Variants in DPYD observed in about 807,000 individuals in gnomAD.
The protein encoded by DPYD is dihydropyrimidine dehydrogenase.
In DPYD, 109 loss-of-function variants were observed where a neutral mutation model predicts 116.2. The ratio of observed to expected loss-of-function variants is 0.94; its 90% CI spans 0.80 to 1.10. The LOEUF is 1.10. Among genes scored for constraint, DPYD ranks in the 50% least tolerant of loss-of-function variants. The probability of loss-of-function intolerance (pLI) is 0.00; values close to 1 mark genes in which losing one functional copy is unlikely to be tolerated. For missense variants in DPYD, 1,302 were observed against 1,254.5 expected, an observed-to-expected ratio of 1.04 and a Z score of -0.57; for synonymous variants, 440 against 432.0, an observed-to-expected ratio of 1.02 and a Z score of -0.23.
At chr1:97,485,984 G>A (rs896732426) in intron 13 of DPYD, among the ~76,000 whole-genome samples, 6 of 152,132 alleles carry the variant, frequency 3.9e-5, no homozygotes, top group Admixed American at 2.6e-4. Flanking sequence ...AATAGAGATT[G>A]GGAGAATAAG....
At chr1:97,713,397 C>A (rs994013639) in intron 5 of DPYD, among the ~76,000 whole-genome samples, 7 of 152,066 alleles carry the variant, frequency 4.6e-5, no homozygotes, top group Admixed American at 2.0e-4. Context: ...GCCCCCAAAT[C>A]ACGGTAGCTT....
intron 11 of DPYD, among the ~76,000 whole-genome samples, chr1:97,551,341 T>C (rs959945067): frequency 1.3e-5 from 2 of 152,152 alleles, no homozygotes; most frequent in Non-Finnish European, 2.9e-5. Context: ...CTACCATCTG[T>C]TGACAGTTAC....
chr1:97,330,475 C>T (rs1409829087), intron 16 of DPYD, among the ~76,000 whole-genome samples: 2 of 152,086 alleles, frequency 1.3e-5, no homozygotes, highest in Admixed American at 1.3e-4. Context: ...TCATTCACTC[C>T]ACAAATATGT....
intron 18 of DPYD, among the ~76,000 whole-genome samples, chr1:97,279,609 C>T (rs919381775): frequency 2.0e-5 from 3 of 152,148 alleles, no homozygotes; most frequent in African/African-American, 4.8e-5. Context: ...CTCCGGAGTT[C>T]GAGCGATTCT....
At chr1:97,220,634 A>C (rs1327022683) in intron 19 of DPYD, among the ~76,000 whole-genome samples, 1 of 152,082 alleles carries the variant, frequency 6.6e-6, no homozygotes, top group Admixed American at 6.5e-5. Flanking sequence ...TGAGGACATT[A>C]TTTTCATTTT....
chr1:97,323,643 GTGTATATATACACGTATATATACATA>G (rs1486868683), intron 16 of DPYD, among the ~76,000 whole-genome samples: 1 of 45,272 alleles, frequency 2.2e-5, no homozygotes, highest in African/African-American at 6.7e-5. Context: ...ATACATATAT[GTGTATATATACACGTATATATACATA>G]TCATATATAT....
Position 97,594,079 on chromosome 1 carries a change from G to C in DPYD, c.959-692C>G, listed in dbSNP as rs1438094695. On this transcript the variant is annotated intron_variant, in intron 9 of 22. Transcript: ENST00000370192. ...CCATATGAAGATCCTTGTAAAAAAA[G>C]TAAAATGCAAGTATTCCTTATGTGT... Among the ~76,000 whole-genome samples, 3 of 152,132 alleles carry C rather than the reference G, an allele frequency of 2.0e-5. No individual in the cohort carries two copies. In the East Asian group the frequency reaches 5.8e-4, roughly 29 times the overall value.
chr1:97,682,353 C>A (rs1660469641), intron 7 of DPYD, among the ~76,000 whole-genome samples: 1 of 151,710 alleles, frequency 6.6e-6, no homozygotes, highest in African/African-American at 2.4e-5. Flanking sequence ...CAGCAGATCC[C>A]TGGTAGAAAT....
chr1:97,868,421 C>T (rs560967212), intron 2 of DPYD, among the ~76,000 whole-genome samples: 37 of 151,612 alleles, frequency 2.4e-4, no homozygotes, highest in African/African-American at 8.5e-4. Flanking sequence ...AAATATTATT[C>T]GAAGAAATCA....
Position 97,178,814 on chromosome 1 carries a change from A to G in DPYD, c.2622+14255T>C, listed in dbSNP as rs1657463660. ...ACCCTTAAATCTTAGTGGCTTAACA[A>G]AATAAAAGTTCCTTTCTTACTCAGA... is the stretch of plus-strand genomic sequence containing the variant. On this transcript the variant is annotated intron_variant, in intron 20 of 22. Coordinates refer to ENST00000370192, the MANE Select transcript of DPYD (RefSeq NM_000110.4). 2.6e-5 allele frequency among the ~76,000 whole-genome samples: 4 copies of G among 152,164 alleles called. No homozygotes were observed. In the South Asian group the frequency reaches 8.3e-4, roughly 32 times the overall value.
intron 21 of DPYD, among the ~76,000 whole-genome samples, chr1:97,088,269 C>G (rs946883066): frequency 6.6e-6 from 1 of 152,176 alleles, no homozygotes; most frequent in African/African-American, 2.4e-5. Context: ...TAAGCTCAGA[C>G]TTCCTTTCAT....
chr1:97,139,307 T>A (rs1191649773), intron 20 of DPYD, among the ~76,000 whole-genome samples: 1 of 152,168 alleles, frequency 6.6e-6, no homozygotes, highest in African/African-American at 2.4e-5. Context: ...CCAGTGGGAT[T>A]TTTAGAAAAC....
intron 19 of DPYD, among the ~76,000 whole-genome samples, chr1:97,225,635 T>C (rs1570709306): frequency 6.6e-6 from 1 of 151,084 alleles, no homozygotes; most frequent in African/African-American, 2.4e-5. Context: ...AAAAGACATA[T>C]GGTTTGAAAA....
intron 10 of DPYD, chr1:97,586,377 TATTAAATAAGGCCTGAC>T (rs1039775514): frequency 6.7e-6 from 1 of 149,100 alleles, no homozygotes; most frequent in Non-Finnish European, 1.5e-5. Context: ...AACTTGTTGT[TATTAAATAAGGCCTGAC>T]AGTGACACAC....
chr1:97,426,350 A>G (rs184740128), intron 14 of DPYD, among the ~76,000 whole-genome samples: 3 of 152,234 alleles, frequency 2.0e-5, no homozygotes, highest in African/African-American at 7.2e-5. Context: ...AGAGGATGAT[A>G]CGTGGTAGCA....
chr1:97,775,835 G>A (rs1013072801), intron 3 of DPYD, among the ~76,000 whole-genome samples: 1 of 152,038 alleles, frequency 6.6e-6, no homozygotes, highest in Non-Finnish European at 1.5e-5. Context: ...CCCACATTGG[G>A]TCATCATTTA....
chr1:97,306,092 G>A (rs755790237), intron 17 of DPYD, 85 bp downstream of exon 17: 3 of 1,596,652 alleles, frequency 1.9e-6, no homozygotes, highest in Non-Finnish European at 2.6e-6. Context: ...GCACATGTTT[G>A]TAGGAAAAGA....
chr1:97,689,273 T>C (rs1305446004), intron 7 of DPYD, among the ~76,000 whole-genome samples: 2 of 151,880 alleles, frequency 1.3e-5, no homozygotes, highest in East Asian at 3.9e-4. Context: ...AAAAGATAGT[T>C]GGGAGTGAAG....
At chr1:97,310,422 T>G (rs1191551596) in intron 16 of DPYD, among the ~76,000 whole-genome samples, 1 of 151,820 alleles carries the variant, frequency 6.6e-6, no homozygotes, top group African/African-American at 2.4e-5. Context: ...AAACTAGAAC[T>G]ATCGAAGGCT....
Sources: gnomAD v4.1 joint callset for allele counts (sites outside exome capture counted in the v4.1 genomes callset) on GRCh38, gnomAD v4.1.1 for gene constraint, MANE v1.5 for transcripts, NCBI Gene and HGNC (gene_info 2026-07-23, HGNC 2026-07-21) for gene names.